Variants in IGFL2 observed in about 807,000 individuals in gnomAD.
IGFL2 encodes insulin growth factor-like family member 2.
A neutral mutation model predicts 13.9 loss-of-function variants in IGFL2; 7 were observed. The ratio of observed to expected loss-of-function variants is 0.51; its 90% CI spans 0.29 to 0.95. IGFL2 has a LOEUF of 0.95. Among genes scored for constraint, IGFL2 ranks in the 40% least tolerant of loss-of-function variants. IGFL2 has a pLI of 0.08. For missense variants in IGFL2, 138 were observed against 147.8 expected (o/e 0.93, Z 0.34); for synonymous variants, 55 against 55.8 (o/e 0.99, Z 0.07).
chr19:46,133,136 G>A, the IGFL2 span, among the ~76,000 whole-genome samples: 1 of 152,102 alleles, frequency 6.6e-6, no homozygotes, highest in African/African-American at 2.4e-5. Context: ...AGCCGTGAAG[G>A]GATCTTGTCC....
At chr19:46,083,284 A>G in the IGFL2 span, among the ~76,000 whole-genome samples, 1 of 152,242 alleles carries the variant, frequency 6.6e-6, no homozygotes, top group Non-Finnish European at 1.5e-5. Context: ...AACAACTTAA[A>G]TCGTTTTCAA....
chr19:46,185,119 G>GT, the IGFL2 span, among the ~76,000 whole-genome samples: 2 of 152,038 alleles, frequency 1.3e-5, no homozygotes, highest in Non-Finnish European at 2.9e-5. Context: ...TTGTAAATTT[G>GT]TTTAAGTTCT....
chr19:46,122,998 A>T, the IGFL2 span, among the ~76,000 whole-genome samples: 1 of 151,006 alleles, frequency 6.6e-6, no homozygotes, highest in African/African-American at 2.5e-5. Context: ...AAAATAATGT[A>T]AATGCTATGA....
chr19:46,115,649 G>A, the IGFL2 span, among the ~76,000 whole-genome samples: 2,076 of 152,106 alleles, frequency 0.014, 51 homozygotes, highest in African/African-American at 0.047. Context: ...TTCACTACCC[G>A]ACTCTCTGTG....
rs1555742942 is a variant in IGFL2 at position 46,149,181 on chromosome 19, T to TCTCC, written c.19+887_19+888insCCTC. On this transcript the variant is annotated intron_variant, in intron 1 of 3. Transcript: ENST00000377693. ...CTCTCTTCTCTCTCTCTCTCTTCTC[T>TCTCC]CTCTCTTTCTCTCTCCCTCTCTTTC... 1.5e-3 allele frequency: 803 copies of TCTCC among 540,192 alleles called. 7 individuals carry two copies. The highest frequency in any genetic ancestry group is 9.6e-3 in the South Asian group (507 of 52,650). The allele number at this position is 540,192 out of a possible 1,614,324, so 33.5% of individuals were successfully genotyped here.
chr19:46,107,376 G>T, the IGFL2 span, among the ~76,000 whole-genome samples: 2 of 152,222 alleles, frequency 1.3e-5, no homozygotes, highest in Non-Finnish European at 2.9e-5. Context: ...AGTTCCAGGG[G>T]CTCTGGGAGT....
At chr19:46,123,685 T>A in the IGFL2 span, among the ~76,000 whole-genome samples, 1 of 150,900 alleles carries the variant, frequency 6.6e-6, no homozygotes, top group Admixed American at 6.6e-5. Flanking sequence ...GTGAGTTATT[T>A]ATGCAGGAGG....
chr19:46,147,572 G>A (rs867692960), upstream of IGFL2, among the ~76,000 whole-genome samples: 2 of 152,136 alleles, frequency 1.3e-5, no homozygotes. Flanking sequence ...ACACCTAAAA[G>A]CCTCAACCCA....
At chr19:46,119,788 TGGGTG>T in the IGFL2 span, among the ~76,000 whole-genome samples, 2 of 73,068 alleles carry the variant, frequency 2.7e-5, 1 homozygote, top group Non-Finnish European at 5.2e-5. Flanking sequence ...TGCTCACCAG[TGGGTG>T]GGGTGGGGTG....
chr19:46,125,951 G>A, the IGFL2 span, among the ~76,000 whole-genome samples: 3 of 152,166 alleles, frequency 2.0e-5, no homozygotes, highest in African/African-American at 7.2e-5. Flanking sequence ...AAGTTAATGT[G>A]TACTTAATTT....
At chr19:46,124,192 G>A in the IGFL2 span, 1 of 1,609,926 alleles carries the variant, frequency 6.2e-7, no homozygotes, top group Non-Finnish European at 8.5e-7. Context: ...ATCCAAGGAA[G>A]AACAGATACT....
chr19:46,123,942 C>T, the IGFL2 span: 1 of 1,611,338 alleles, frequency 6.2e-7, no homozygotes, highest in Admixed American at 1.7e-5. Context: ...TACCCAGAAC[C>T]CTCAACTTCA....
At chr19:46,121,394 GAAA>G in the IGFL2 span, among the ~76,000 whole-genome samples, 3 of 124,424 alleles carry the variant, frequency 2.4e-5, no homozygotes, top group South Asian at 2.7e-4. Context: ...ATCCTGTCTT[GAAA>G]AAAAAAAAAA....
chr19:46,184,376 C>T, the IGFL2 span, among the ~76,000 whole-genome samples: 5 of 152,044 alleles, frequency 3.3e-5, no homozygotes, highest in African/African-American at 7.2e-5. Context: ...CCCATCAACC[C>T]GTCATCTACA....
At chr19:46,151,999 C>T (rs946918347) in intron 1 of IGFL2, among the ~76,000 whole-genome samples, 1 of 152,118 alleles carries the variant, frequency 6.6e-6, no homozygotes, top group African/African-American at 2.4e-5. Flanking sequence ...TTCCAATTTG[C>T]GAACATGGAT....
chr19:46,138,434 C>G (rs902210665), upstream of IGFL2, among the ~76,000 whole-genome samples: 3 of 152,152 alleles, frequency 2.0e-5, no homozygotes, highest in African/African-American at 7.2e-5. Flanking sequence ...AGCAACAACA[C>G]TCCAACGTGG....
At chr19:46,134,592 G>T in the IGFL2 span, among the ~76,000 whole-genome samples, 12 of 152,206 alleles carry the variant, frequency 7.9e-5, no homozygotes, top group African/African-American at 2.9e-4. Context: ...TCTCATATTA[G>T]ATAAGGAGTA....
the IGFL2 span, among the ~76,000 whole-genome samples, chr19:46,121,806 G>C: frequency 2.0e-5 from 3 of 151,070 alleles, no homozygotes; most frequent in Non-Finnish European, 4.4e-5. Flanking sequence ...ACTGCAAAGA[G>C]ACAAAGGCTT....
At chr19:46,160,557 G>A in intron 2 of IGFL2, 57 bp from the exon 3 acceptor site, 23 of 1,612,976 alleles carry the variant, frequency 1.4e-5, no homozygotes, top group African/African-American at 8.0e-5. Context: ...CTGATTGGGG[G>A]ATGTAGTGCC....
Sources: allele counts gnomAD v4.1 joint callset (sites outside exome capture counted in the v4.1 genomes callset), GRCh38; gene constraint gnomAD v4.1.1; transcripts MANE v1.5; gene names NCBI Gene and HGNC (gene_info 2026-07-23, HGNC 2026-07-21).